Variants in TJP2 observed in about 807,000 individuals in gnomAD.
The protein encoded by TJP2 is Friedreich ataxia region gene X104 (tight junction protein ZO-2).
Under a neutral mutation model 133.1 loss-of-function variants are expected in TJP2, and 91 were observed. The observed-to-expected ratio is 0.68, with a 90% CI of 0.58 to 0.81. The LOEUF is 0.81. TJP2 is among the 40% of genes least tolerant of loss of function. The pLI is 0.00. For missense variants in TJP2, 1,541 were observed against 1,565.6 expected (o/e 0.98, Z 0.26); for synonymous variants, 592 against 583.4 (o/e 1.01, Z -0.21).
intron 17 of TJP2, among the ~76,000 whole-genome samples, chr9:69,245,255 C>T (rs929047738): frequency 6.6e-6 from 1 of 152,164 alleles, no homozygotes; most frequent in African/African-American, 2.4e-5. Flanking sequence ...ACTGTTAGAA[C>T]TTCTTAAACA....
Position 69,249,409 on chromosome 9 carries a change from A to T in TJP2, c.2915A>T (p.Gln972Leu). The T allele has an allele frequency of 6.2e-7, 1 of 1,611,904 alleles. No homozygotes were observed. Among genetic ancestry groups the T allele is most frequent in the Non-Finnish European group, 8.5e-7 (1 of 1,178,874 alleles). ...IRKPSPEPRA[Q>L]MRRAASSDQL... ...AAACCCAGCCCAGAGCCACGAGCTC[A>T]GATGAGGAGGGCTGCTAGCAGCGAT... Residue 972 changes from glutamine (Q) to leucine (L), a missense_variant, in exon 20 of 23, where the codon CAG (glutamine) becomes CTG (leucine). Gln to Leu is a moderately radical substitution (Grantham distance 113). Transcript: ENST00000377245.
chr9:69,233,113 G>T (rs1829913715), intron 11 of TJP2, among the ~76,000 whole-genome samples: 1 of 152,176 alleles, frequency 6.6e-6, no homozygotes, highest in Non-Finnish European at 1.5e-5. Context: ...CCTAATTGGG[G>T]GACAGAGAGG....
intron 17 of TJP2, 114 bp from the exon 18 acceptor site, chr9:69,246,576 G>C: frequency 1.1e-6 from 1 of 872,234 alleles, no homozygotes; most frequent in South Asian, 1.4e-5. Context: ...ACATCTTCTT[G>C]CGTCTGCCAT....
chr9:69,235,491 T>G (rs1830118544), intron 12 of TJP2, among the ~76,000 whole-genome samples: 1 of 151,662 alleles, frequency 6.6e-6, no homozygotes, highest in African/African-American at 2.4e-5. Context: ...CCCGGCTAAT[T>G]TTTTGTATTT....
intron 2 of TJP2, among the ~76,000 whole-genome samples, chr9:69,159,033 G>A (rs918784439): frequency 3.3e-5 from 5 of 151,810 alleles, no homozygotes; most frequent in African/African-American, 7.3e-5. Context: ...TGCCGGGCAC[G>A]GTGGTTTACA....
chr9:69,134,731 GCTGCTATAATGAAGTACCAATGA>G lies in TJP2; in HGVS notation c.-131+13010_-131+13032del, dbSNP rs559951147. On this transcript the variant is annotated intron_variant, in intron 1 of 5. Transcript: ENST00000423935. ...ACGACCTGTGTCTTAGTCAGCTCGGGCTGCTATAATGAAGTACCAATGACTGGGTGGGTTAAGTAACAGACATT... is the reference window on the plus strand; with the variant it reads ...ACGACCTGTGTCTTAGTCAGCTCGGGCTGGGTGGGTTAAGTAACAGACATT... 1.1e-3 allele frequency among the ~76,000 whole-genome samples: 167 copies of G among 152,296 alleles called. 1 individual carries two copies. Among genetic ancestry groups the G allele is most frequent in the Admixed American group, 1.8e-3 (27 of 15,282 alleles).
At position 69,218,952 on chromosome 9, in the gene TJP2, T is replaced by TTG. The variant is rs373006256; in HGVS notation, c.342+609_342+610dup. Among the ~76,000 whole-genome samples the TTG allele has an allele frequency of 4.5e-3, 670 of 148,096 alleles. 7 individuals carry two copies. Among genetic ancestry groups the TTG allele is most frequent in the African/African-American group, 0.014 (579 of 40,002 alleles). On this transcript the variant is annotated intron_variant, in intron 4 of 22. Transcript: ENST00000377245. ...AGTAGGCATATACCCACATATATGG[T>TTG]TGTGTGTGTGTGTGTGTATTTTTTT...
chr9:69,248,000 A>G lies in TJP2; in HGVS notation c.2668-12A>G, dbSNP rs901707394. ...TCAGACCCCACTGACCGTCCAACAC[A>G]AATTCCTCTAGATGGAAGGGATGGA... On this transcript the variant is annotated splice_polypyrimidine_tract_variant and intron_variant, in intron 18 of 22. Transcript: ENST00000377245. 1.0e-5 allele frequency: 16 copies of G among 1,584,508 alleles called. No homozygotes were observed. The highest frequency in any genetic ancestry group is 1.3e-5 in the African/African-American group (1 of 74,294).
At chr9:69,179,666 A>T (rs1007212223) in intron 1 of TJP2, among the ~76,000 whole-genome samples, 2 of 151,796 alleles carry the variant, frequency 1.3e-5, no homozygotes, top group East Asian at 3.9e-4. Context: ...CGCCCGGCTA[A>T]TTTTTTGTAT....
intron 1 of TJP2, among the ~76,000 whole-genome samples, chr9:69,149,534 C>G (rs1564381694): frequency 6.6e-6 from 1 of 152,148 alleles, no homozygotes; most frequent in Non-Finnish European, 1.5e-5. Flanking sequence ...ACCATCTTTT[C>G]TTTCTATTTC....
At chr9:69,231,922 A>G (rs1325580006) in intron 11 of TJP2, among the ~76,000 whole-genome samples, 17 of 152,248 alleles carry the variant, frequency 1.1e-4, no homozygotes, top group East Asian at 9.6e-4. Context: ...GATGATAGCT[A>G]GAAATGTGGA....
At chr9:69,209,430 G>A (rs763120271) in intron 1 of TJP2, among the ~76,000 whole-genome samples, 31 of 151,196 alleles carry the variant, frequency 2.1e-4, no homozygotes, top group Admixed American at 2.6e-4. Context: ...CATCACGCCC[G>A]ACCCGGTTTC....
intron 1 of TJP2, among the ~76,000 whole-genome samples, chr9:69,132,149 T>A (rs1212548707): frequency 1.3e-5 from 2 of 151,924 alleles, no homozygotes; most frequent in Non-Finnish European, 2.9e-5. Flanking sequence ...CTGCCCCGGG[T>A]TTTTACTGGG....
chr9:69,223,069 G>GAAAAA (rs57114714), intron 5 of TJP2, among the ~76,000 whole-genome samples: 2,811 of 113,676 alleles, frequency 0.025, 84 homozygotes, highest in African/African-American at 0.06. Context: ...ACTCTGTCTT[G>GAAAAA]AAAAAAAAAA....
At chr9:69,168,800 CAAAA>C (rs71507119) in intron 2 of TJP2, among the ~76,000 whole-genome samples, 2 of 136,780 alleles carry the variant, frequency 1.5e-5, no homozygotes, top group Non-Finnish European at 3.2e-5. Flanking sequence ...GAAACTGTCT[CAAAA>C]AAAAAAAAAA....
chr9:69,218,188 T>A, intron 3 of TJP2, 69 bp from the exon 4 acceptor site: 2 of 1,294,254 alleles, frequency 1.5e-6, no homozygotes, highest in South Asian at 2.6e-5. Context: ...TTCTATTTGT[T>A]CCTAAATAAA....
intron 19 of TJP2, chr9:69,248,742 G>A: frequency 2.0e-6 from 2 of 997,164 alleles, no homozygotes; most frequent in Non-Finnish European, 1.2e-6. Flanking sequence ...CACATGTACT[G>A]TGCATCCACT....
At chr9:69,140,446 G>T (rs1490496901) in intron 1 of TJP2, among the ~76,000 whole-genome samples, 3 of 152,172 alleles carry the variant, frequency 2.0e-5, no homozygotes, top group Non-Finnish European at 4.4e-5. Context: ...CCCAATTCAT[G>T]CTACAGAGTG....
At chr9:69,167,274 G>A (rs963274279) in intron 2 of TJP2, among the ~76,000 whole-genome samples, 1 of 152,042 alleles carries the variant, frequency 6.6e-6, no homozygotes, top group Non-Finnish European at 1.5e-5. Context: ...AAATAATACT[G>A]TAGTGGGATC....
Sources: gnomAD v4.1 joint callset for allele counts (sites outside exome capture counted in the v4.1 genomes callset) on GRCh38, gnomAD v4.1.1 for gene constraint, MANE v1.5 for transcripts, NCBI Gene and HGNC (gene_info 2026-07-23, HGNC 2026-07-21) for gene names.